The following PRKN variants were observed in gnomAD, a reference collection of about 807,000 sequenced individuals.
PRKN encodes the protein E3 ubiquitin-protein ligase parkin.
Under a neutral mutation model 59.5 loss-of-function variants are expected in PRKN, and 56 were observed. The observed-to-expected ratio is 0.94, with a 90% CI of 0.76 to 1.18. The LOEUF (loss-of-function observed/expected upper bound fraction) is 1.18, where lower values mean the gene tolerates loss of function less well. Among genes scored for constraint, PRKN ranks in the 50% most tolerant of loss-of-function variants. PRKN has a pLI of 0.00. For synonymous variants in PRKN, 250 were observed against 222.1 expected, an observed-to-expected ratio of 1.13 and a Z score of -1.12; for missense variants, 657 against 596.4, an observed-to-expected ratio of 1.10 and a Z score of -1.06.
chr6:162,366,826 G>T (rs558079208), intron 2 of PRKN, among the ~76,000 whole-genome samples: 51 of 152,262 alleles, frequency 3.3e-4, no homozygotes, highest in Admixed American at 3.9e-4. Context: ...TTGAACCCGG[G>T]AGGTGGAGGT....
chr6:162,642,507 T>C (rs1460051982), intron 1 of PRKN, among the ~76,000 whole-genome samples: 5 of 152,064 alleles, frequency 3.3e-5, no homozygotes, highest in Non-Finnish European at 7.4e-5. Flanking sequence ...ATCACTGTTA[T>C]AAAATCATTG....
At chr6:162,644,089 G>A (rs1358855803) in intron 1 of PRKN, among the ~76,000 whole-genome samples, 1 of 152,032 alleles carries the variant, frequency 6.6e-6, no homozygotes, top group Non-Finnish European at 1.5e-5. Flanking sequence ...TAGGTTGAAC[G>A]CTCCCACTTT....
At chr6:162,711,689 G>A (rs1163165003) in intron 1 of PRKN, among the ~76,000 whole-genome samples, 1 of 152,174 alleles carries the variant, frequency 6.6e-6, no homozygotes, top group East Asian at 1.9e-4. Context: ...GTGTAATGCT[G>A]ATTCCAATCA....
chr6:162,224,811 C>T (rs1353686119), intron 3 of PRKN, among the ~76,000 whole-genome samples: 1 of 152,096 alleles, frequency 6.6e-6, no homozygotes, highest in Non-Finnish European at 1.5e-5. Flanking sequence ...TTGCTGCAAT[C>T]CCCAGGGCCC....
intron 1 of PRKN, among the ~76,000 whole-genome samples, chr6:162,529,980 A>C (rs1389856670): frequency 6.6e-6 from 1 of 152,014 alleles, no homozygotes; most frequent in Non-Finnish European, 1.5e-5. Flanking sequence ...CAAATACAAA[A>C]TTAGCCGGGC....
chr6:162,140,982 T>C (rs1053556479), intron 4 of PRKN, among the ~76,000 whole-genome samples: 1 of 151,772 alleles, frequency 6.6e-6, no homozygotes, highest in Non-Finnish European at 1.5e-5. Context: ...ACACAAAAAG[T>C]AGCCAGGCGT....
At position 162,447,984 on chromosome 6, in the gene PRKN, T is replaced by C. The variant is rs559815086; in HGVS notation, c.8-4511A>G. 5.3e-5 allele frequency among the ~76,000 whole-genome samples: 8 copies of C among 152,244 alleles called. No homozygotes were observed. In the South Asian group the frequency reaches 1.7e-3, roughly 32 times the overall value. On this transcript the variant is annotated intron_variant, in intron 1 of 11. Transcript: ENST00000366898. ...AAAGGTTCGGTGAAGTCCTTTTAGA[T>C]GGCAAATAACATCATGTGATGCCTC...
At chr6:161,829,446 G>A (rs1431719160) in intron 6 of PRKN, among the ~76,000 whole-genome samples, 1 of 152,070 alleles carries the variant, frequency 6.6e-6, no homozygotes, top group African/African-American at 2.4e-5. Flanking sequence ...TAGGCTTTTG[G>A]CGGTTTTCAC....
intron 1 of PRKN, among the ~76,000 whole-genome samples, chr6:162,467,251 C>T (rs550461876): frequency 3.3e-5 from 5 of 152,208 alleles, no homozygotes; most frequent in African/African-American, 1.2e-4. Flanking sequence ...AAGATTTATT[C>T]GTTTTGTTCA....
chr6:162,009,466 G>A (rs939378689), intron 5 of PRKN, among the ~76,000 whole-genome samples: 2 of 151,772 alleles, frequency 1.3e-5, no homozygotes, highest in Admixed American at 6.6e-5. Flanking sequence ...AACCACAACC[G>A]TCAGAATCAC....
Position 161,527,841 on chromosome 6 carries a change from C to T in PRKN, c.1083+21013G>A, listed in dbSNP as rs184004498. Among the ~76,000 whole-genome samples the T allele has an allele frequency of 1.7e-4, 26 of 152,256 alleles. No homozygotes were observed. Among genetic ancestry groups the T allele is most frequent in the Admixed American group, 1.6e-3 (25 of 15,304 alleles). On this transcript the variant is annotated intron_variant, in intron 9 of 11. Coordinates refer to ENST00000366898, the MANE Select transcript of PRKN (RefSeq NM_004562.3). The surrounding 1 kb of genome is among the most constrained non-coding windows in gnomAD (Gnocchi z 4.6). Reference sequence around the variant, plus strand: ...GAATCAGCTGTCTGAAGAACCCTTGCGGGAGACTGATGGACCTTCACAGAC... The same window carrying T: ...GAATCAGCTGTCTGAAGAACCCTTGTGGGAGACTGATGGACCTTCACAGAC...
At chr6:161,880,539 A>G (rs2128229403) in intron 6 of PRKN, among the ~76,000 whole-genome samples, 1 of 152,270 alleles carries the variant, frequency 6.6e-6, no homozygotes, top group Non-Finnish European at 1.5e-5. Context: ...ATTACCTTAT[A>G]CATGTCCCCG....
intron 4 of PRKN, among the ~76,000 whole-genome samples, chr6:162,117,223 T>TA (rs1203727811): frequency 1.3e-5 from 2 of 152,220 alleles, no homozygotes; most frequent in Admixed American, 1.3e-4. Context: ...TAAATCTTGT[T>TA]ATGCTGGCAC....
chr6:161,868,578 CTCTAAAA>C (rs1794218365), intron 6 of PRKN, among the ~76,000 whole-genome samples: 1 of 151,786 alleles, frequency 6.6e-6, no homozygotes, highest in African/African-American at 2.4e-5. Context: ...GAGACTCTGT[CTCTAAAA>C]CAAAACAAAA....
At chr6:162,712,981 A>G (rs973696551) in intron 1 of PRKN, among the ~76,000 whole-genome samples, 2 of 152,180 alleles carry the variant, frequency 1.3e-5, no homozygotes, top group African/African-American at 2.4e-5. Flanking sequence ...TCACCACACT[A>G]GAGTGTGGAG....
At chr6:162,168,557 A>C (rs908247873) in intron 4 of PRKN, among the ~76,000 whole-genome samples, 3 of 44,924 alleles carry the variant, frequency 6.7e-5, no homozygotes, top group African/African-American at 2.4e-4. Context: ...TCTGTTTTAC[A>C]AAAAAAAAAA....
chr6:161,977,535 T>TTTG (rs1781079974), intron 5 of PRKN, among the ~76,000 whole-genome samples: 9 of 98,448 alleles, frequency 9.1e-5, no homozygotes, highest in Admixed American at 8.1e-4. Flanking sequence ...TACTTTCTGT[T>TTTG]TTTTTGGTTT....
chr6:161,748,330 C>T (rs1788521952), intron 7 of PRKN, among the ~76,000 whole-genome samples: 1 of 150,766 alleles, frequency 6.6e-6, no homozygotes, highest in Admixed American at 6.6e-5. Flanking sequence ...CTCCTTTTTG[C>T]TGATCCCGAA....
At chr6:161,491,127 G>T (rs184075454) in intron 9 of PRKN, among the ~76,000 whole-genome samples, 20 of 152,306 alleles carry the variant, frequency 1.3e-4, no homozygotes, top group Non-Finnish European at 2.6e-4. Flanking sequence ...AGATACCATT[G>T]CCTGTGTTCA....
Sources: gnomAD v4.1 joint callset for allele counts (sites outside exome capture counted in the v4.1 genomes callset) on GRCh38, gnomAD v4.1.1 for gene constraint, Gnocchi (gnomAD v3.1) non-coding constraint, MANE v1.5 for transcripts, NCBI Gene and HGNC (gene_info 2026-07-23, HGNC 2026-07-21) for gene names.